ITGA9: variants seen among roughly 807,000 people sequenced by gnomAD.
ITGA9 encodes integrin subunit alpha 9, also known as integrin alpha-9.
In ITGA9, 56 loss-of-function variants were observed where a neutral mutation model predicts 127.8. The observed-to-expected ratio is 0.44, with a 90% CI of 0.35 to 0.55. ITGA9 has a LOEUF of 0.55. Among genes scored for constraint, ITGA9 ranks in the 20% least tolerant of loss-of-function variants. ITGA9 has a pLI of 0.00. For synonymous variants in ITGA9, 508 were observed against 514.5 expected, an observed-to-expected ratio of 0.99 and a Z score of 0.17; for missense variants, 1,196 against 1,347.1, an observed-to-expected ratio of 0.89 and a Z score of 1.76.
At chr3:37,727,342 C>A (rs960403930) in intron 18 of ITGA9, among the ~76,000 whole-genome samples, 2 of 152,132 alleles carry the variant, frequency 1.3e-5, no homozygotes, top group African/African-American at 4.8e-5. Context: ...GAATATTGAA[C>A]GTCTTTGCCA....
At chr3:37,623,869 T>A (rs1360539756) in intron 15 of ITGA9, among the ~76,000 whole-genome samples, 3 of 152,196 alleles carry the variant, frequency 2.0e-5, no homozygotes, top group Non-Finnish European at 4.4e-5. Context: ...TTATTTATTA[T>A]GAGTATAGAG....
chr3:37,748,441 GA>G, intron 22 of ITGA9: 1 of 590,620 alleles, frequency 1.7e-6, no homozygotes, highest in Non-Finnish European at 3.2e-6. Flanking sequence ...ACACGTGAAG[GA>G]AAATGATCAG....
At chr3:37,494,706 A>G in intron 5 of ITGA9, 138 bp downstream of exon 5, 1 of 746,174 alleles carries the variant, frequency 1.3e-6, no homozygotes, top group South Asian at 1.5e-5. Flanking sequence ...TCTGGTCCTC[A>G]CACCAGAGGA....
At chr3:37,724,486 T>G (rs1243096902) in intron 18 of ITGA9, among the ~76,000 whole-genome samples, 1 of 152,184 alleles carries the variant, frequency 6.6e-6, no homozygotes, top group Admixed American at 6.5e-5. Flanking sequence ...GAGTCTTTGC[T>G]TACTAAATGC....
At chr3:37,462,685 A>G (rs1698328400) in intron 1 of ITGA9, among the ~76,000 whole-genome samples, 1 of 152,188 alleles carries the variant, frequency 6.6e-6, no homozygotes, top group Admixed American at 6.5e-5. Context: ...AGGAAAAAGG[A>G]GAAGGGCCCT....
rs182367014 is a variant in ITGA9, at chr3:37,615,976, C to A, written c.1690-13211C>A. On this transcript the variant is annotated intron_variant, in intron 15 of 27. Coordinates refer to ENST00000264741, the MANE Select transcript of ITGA9 (RefSeq NM_002207.3). The stretch of plus-strand genomic sequence containing the variant: ...TGTCTCTGTTTCCTTCAGTTCTGCT[C>A]TGATCTTGGTTATTTCTTGCCTTCT... Among the ~76,000 whole-genome samples the A allele has an allele frequency of 3.9e-5, 6 of 152,284 alleles. No homozygotes were observed. In the East Asian group the frequency reaches 9.6e-4, roughly 24 times the overall value.
intron 24 of ITGA9, among the ~76,000 whole-genome samples, chr3:37,779,060 G>T (rs1314592655): frequency 2.0e-5 from 3 of 152,016 alleles, no homozygotes; most frequent in African/African-American, 7.2e-5. Context: ...ATATAAAAAA[G>T]AAAACTTTTG....
chr3:37,625,665 T>A (rs1700169680), intron 15 of ITGA9, among the ~76,000 whole-genome samples: 1 of 152,362 alleles, frequency 6.6e-6, no homozygotes, highest in African/African-American at 2.4e-5. Flanking sequence ...GCCCTAAGCC[T>A]CTTTCTCCAT....
intron 16 of ITGA9, among the ~76,000 whole-genome samples, chr3:37,632,666 C>G (rs1225536484): frequency 6.6e-6 from 1 of 152,076 alleles, no homozygotes; most frequent in East Asian, 1.9e-4. Context: ...AATGTCAGTG[C>G]TTCAAAGACA....
intron 27 of ITGA9, 105 bp downstream of exon 27, chr3:37,804,047 G>A: frequency 7.1e-6 from 11 of 1,539,888 alleles, no homozygotes; most frequent in Non-Finnish European, 9.8e-6. Context: ...TTCCTTCATG[G>A]CACCGGTACA....
At chr3:37,715,282 A>G (rs926246516) in intron 18 of ITGA9, among the ~76,000 whole-genome samples, 3 of 152,188 alleles carry the variant, frequency 2.0e-5, no homozygotes, top group Non-Finnish European at 4.4e-5. Flanking sequence ...GTAACTCATT[A>G]TATCATTCCA....
rs1286061617 is a variant in ITGA9 at position 37,452,195 on chromosome 3, C to G, written c.-180C>G. The stretch of plus-strand genomic sequence containing the variant: ...CGCTCGGGGCCGCCCCTGTGCTCGC[C>G]TTCAGCGCCCGCTCAGCCCGCCGTC... On this transcript the variant is annotated 5_prime_UTR_variant, in exon 1 of 28. Coordinates refer to ENST00000264741, the MANE Select transcript of ITGA9 (RefSeq NM_002207.3). This position sits in a 1 kb window ranked among gnomAD's most constrained non-coding sequence, Gnocchi z 7.3. 3 of 168,372 alleles carry G rather than the reference C, an allele frequency of 1.8e-5. No individual in the cohort carries two copies. Among genetic ancestry groups the G allele is most frequent in the Non-Finnish European group, 3.6e-5 (3 of 84,288 alleles). 10.4% of individuals were successfully genotyped at this position (168,372 alleles called of 1,614,324 possible). A position where few individuals can be genotyped will look rare whatever the true frequency, so the allele number is the denominator to read the frequency against.
In ITGA9 at chr3:37,528,373, T is replaced by A. The variant is rs1239203309; in HGVS notation, c.1373+2302T>A. Among the ~76,000 whole-genome samples, 9 of 152,230 alleles carry A rather than the reference T, an allele frequency of 5.9e-5. No individual in the cohort carries two copies. In the East Asian group the frequency reaches 1.7e-3, roughly 30 times the overall value. The stretch of plus-strand genomic sequence containing the variant: ...CTCAACAGGGACAAATGTAAAGTTC[T>A]TCAAGAAGAACTCCAGGGAGAGCAC... On this transcript the variant is annotated intron_variant, in intron 13 of 27. Transcript: ENST00000264741.
At chr3:37,586,621 A>G (rs1335508589) in intron 15 of ITGA9, among the ~76,000 whole-genome samples, 6 of 152,242 alleles carry the variant, frequency 3.9e-5, no homozygotes, top group Non-Finnish European at 5.9e-5. Context: ...TATCAAATGC[A>G]TTGTGATTGT....
At chr3:37,725,934 C>T (rs149892131) in intron 18 of ITGA9, among the ~76,000 whole-genome samples, 1 of 152,332 alleles carries the variant, frequency 6.6e-6, no homozygotes, top group East Asian at 1.9e-4. Context: ...TTCTATGCTG[C>T]AGGCTCAGGT....
chr3:37,663,513 A>G (rs924920916), intron 17 of ITGA9, among the ~76,000 whole-genome samples: 2 of 152,142 alleles, frequency 1.3e-5, no homozygotes, highest in Non-Finnish European at 2.9e-5. Context: ...GCATTTCCCA[A>G]AACTGTTGGC....
rs904447163 is a variant in ITGA9, at chr3:37,822,733, T to G, written c.*3744T>G. On this transcript the variant is annotated 3_prime_UTR_variant, in exon 28 of 28. Transcript: ENST00000264741. ...GCAGATCCCCAGACGATCCGTGTGC[T>G]GTATGCTACCTGTTGAACCCTAGCA... 5 of 152,280 alleles carry G rather than the reference T, an allele frequency of 3.3e-5. No homozygotes were observed. Among genetic ancestry groups the G allele is most frequent in the Admixed American group, 3.3e-4 (5 of 15,294 alleles). The allele number at this position is 152,280 out of a possible 1,614,324, so 9.4% of individuals were successfully genotyped here.
At position 37,779,950 on chromosome 3, in the gene ITGA9, AGTGCTCTTGCTAAAGAAGAAAGTC is replaced by A; in HGVS notation, c.2719_2742del (p.Ala907_Arg914del). The A allele has an allele frequency of 6.2e-7, 1 of 1,613,640 alleles. No homozygotes were observed. The highest frequency in any genetic ancestry group is 8.5e-7 in the Non-Finnish European group (1 of 1,179,500). On this transcript the variant is annotated inframe_deletion, in exon 25 of 28. Coordinates refer to ENST00000264741, the MANE Select transcript of ITGA9 (RefSeq NM_002207.3). ...TTGCCTAACAGCACACTGTAACTTT[AGTGCTCTTGCTAAAGAAGAAAGTC>A]GTACTATAGACATTTACATGCTGCT...
At chr3:37,664,210 G>A (rs1700563563) in intron 17 of ITGA9, among the ~76,000 whole-genome samples, 1 of 152,128 alleles carries the variant, frequency 6.6e-6, no homozygotes, top group South Asian at 2.1e-4. Context: ...GAGACCTTGG[G>A]TAAAAAGTCT....
Sources: allele counts gnomAD v4.1 joint callset (sites outside exome capture counted in the v4.1 genomes callset), GRCh38; gene constraint gnomAD v4.1.1; non-coding constraint Gnocchi (gnomAD v3.1); transcripts MANE v1.5; gene names NCBI Gene and HGNC (gene_info 2026-07-23, HGNC 2026-07-21).